Variants in CSMD3 observed in about 807,000 individuals in gnomAD.
The protein encoded by CSMD3 is CUB and sushi domain-containing protein 3.
CSMD3 carries 177 observed loss-of-function variants against 435.2 expected under a neutral mutation model. The ratio of observed to expected loss-of-function variants is 0.41; its 90% CI spans 0.36 to 0.46. The LOEUF (loss-of-function observed/expected upper bound fraction) is 0.46, where lower values mean the gene tolerates loss of function less well. Ranked by LOEUF, CSMD3 falls within the 20% of genes least tolerant of loss-of-function variation. CSMD3 has a pLI of 0.34. For synonymous variants in CSMD3, 1,656 were observed against 1,520.5 expected (o/e 1.09, Z -2.07); for missense variants, 4,265 against 4,504.6 (o/e 0.95, Z 1.52).
At chr8:113,243,818 A>G (rs763824466) in intron 3 of CSMD3, among the ~76,000 whole-genome samples, 7 of 152,116 alleles carry the variant, frequency 4.6e-5, no homozygotes, top group Non-Finnish European at 1.0e-4. Flanking sequence ...GGTGTGAAGT[A>G]GTCTCATTGT....
intron 5 of CSMD3, among the ~76,000 whole-genome samples, chr8:113,074,497 A>G (rs538707809): frequency 6.6e-6 from 1 of 151,884 alleles, no homozygotes; most frequent in Admixed American, 6.6e-5. Context: ...ATTTGCAGAA[A>G]CCTAGATAAC....
intron 67 of CSMD3, among the ~76,000 whole-genome samples, chr8:112,235,383 C>CA (rs557084635): frequency 6.8e-4 from 102 of 149,442 alleles, no homozygotes; most frequent in African/African-American, 1.8e-3. Flanking sequence ...GACTCTGCCT[C>CA]AAAAAAAACA....
chr8:112,279,579 A>T (rs1818431599), intron 59 of CSMD3, among the ~76,000 whole-genome samples: 1 of 152,196 alleles, frequency 6.6e-6, no homozygotes, highest in Admixed American at 6.5e-5. Context: ...GATTAAAACA[A>T]GGTCTACAGT....
chr8:112,872,405 C>G (rs2081161008), intron 10 of CSMD3, among the ~76,000 whole-genome samples: 1 of 151,786 alleles, frequency 6.6e-6, no homozygotes, highest in Non-Finnish European at 1.5e-5. Flanking sequence ...AACTCGAAAA[C>G]AGAAAAAAGA....
intron 6 of CSMD3, among the ~76,000 whole-genome samples, chr8:112,987,782 T>A (rs1204167074): frequency 1.3e-5 from 2 of 152,102 alleles, no homozygotes; most frequent in Non-Finnish European, 2.9e-5. Context: ...AGAGGCCTGA[T>A]TGCCTCCAGG....
At chr8:112,716,458 T>C (rs554265076) in intron 13 of CSMD3, among the ~76,000 whole-genome samples, 10 of 152,270 alleles carry the variant, frequency 6.6e-5, no homozygotes, top group Admixed American at 4.6e-4. Flanking sequence ...TCCATGTTCA[T>C]ATATAGGAAG....
intron 3 of CSMD3, among the ~76,000 whole-genome samples, chr8:113,177,856 C>T (rs975638188): frequency 6.6e-6 from 1 of 151,922 alleles, no homozygotes; most frequent in Non-Finnish European, 1.5e-5. Context: ...ATTTTGACAA[C>T]ATAGACTATT....
At chr8:113,054,773 T>C (rs193284849) in intron 5 of CSMD3, among the ~76,000 whole-genome samples, 1 of 152,322 alleles carries the variant, frequency 6.6e-6, no homozygotes, top group Non-Finnish European at 1.5e-5. Flanking sequence ...TTTCCTTGTC[T>C]AACATTTTTT....
intron 17 of CSMD3, among the ~76,000 whole-genome samples, chr8:112,659,540 T>C (rs192240859): frequency 6.6e-6 from 1 of 152,150 alleles, no homozygotes; most frequent in Non-Finnish European, 1.5e-5. Context: ...TCTGAAAGAC[T>C]GATAGTGATA....
chr8:112,547,996 A>C (rs1264528437), intron 27 of CSMD3, among the ~76,000 whole-genome samples: 1 of 152,176 alleles, frequency 6.6e-6, no homozygotes, highest in African/African-American at 2.4e-5. Flanking sequence ...TAAAGCACTG[A>C]AGTGGCAAAC....
chr8:113,377,264 T>G, intron 1 of CSMD3: 1 of 350,500 alleles, frequency 2.9e-6, no homozygotes, highest in Non-Finnish European at 4.4e-6. Context: ...GAGCCTACCC[T>G]CTTATTAAAA....
At chr8:112,631,150 G>T (rs1447372498) in intron 22 of CSMD3, among the ~76,000 whole-genome samples, 2 of 152,066 alleles carry the variant, frequency 1.3e-5, no homozygotes, top group East Asian at 3.9e-4. Flanking sequence ...AATACAAAAG[G>T]GATATTTAAG....
chr8:112,518,080 TA>T (rs1000400056), intron 27 of CSMD3, among the ~76,000 whole-genome samples: 1 of 152,164 alleles, frequency 6.6e-6, no homozygotes, highest in African/African-American at 2.4e-5. Context: ...TACTCAGTAA[TA>T]AAAAAGAATG....
intron 62 of CSMD3, 37 bp downstream of exon 62, chr8:112,255,217 C>G (rs776391509): frequency 5.2e-6 from 8 of 1,531,290 alleles, no homozygotes; most frequent in Non-Finnish European, 7.2e-6. Flanking sequence ...ATTAATTACA[C>G]AGTTACTGTG....
intron 59 of CSMD3, among the ~76,000 whole-genome samples, chr8:112,268,913 GA>G (rs1236401429): frequency 6.6e-6 from 1 of 152,128 alleles, no homozygotes; most frequent in East Asian, 1.9e-4. Context: ...CCTTAAGCTT[GA>G]CCCTATTGAC....
At chr8:112,645,525 T>G (rs183244171) in intron 19 of CSMD3, among the ~76,000 whole-genome samples, 100 of 151,224 alleles carry the variant, frequency 6.6e-4, no homozygotes, top group African/African-American at 2.4e-3. Flanking sequence ...ACATGAGTAA[T>G]TAATTGTTTA....
intron 32 of CSMD3, among the ~76,000 whole-genome samples, chr8:112,443,188 C>T (rs766033004): frequency 2.0e-5 from 3 of 152,092 alleles, no homozygotes; most frequent in Non-Finnish European, 4.4e-5. Context: ...GCTGTTCTTC[C>T]CTCACTAAAT....
intron 13 of CSMD3, among the ~76,000 whole-genome samples, chr8:112,743,264 G>A (rs1292332254): frequency 1.3e-5 from 2 of 150,916 alleles, no homozygotes; most frequent in Non-Finnish European, 3.0e-5. Flanking sequence ...TATTATAAAT[G>A]ATATGGCAGT....
intron 11 of CSMD3, among the ~76,000 whole-genome samples, chr8:112,849,966 G>A (rs959320727): frequency 6.6e-6 from 1 of 151,954 alleles, no homozygotes; most frequent in Non-Finnish European, 1.5e-5. Context: ...GTAGCCTTTG[G>A]CAAATTACTT....
Sources: allele counts gnomAD v4.1 joint callset (sites outside exome capture counted in the v4.1 genomes callset), GRCh38; gene constraint gnomAD v4.1.1; transcripts MANE v1.5; gene names NCBI Gene and HGNC (gene_info 2026-07-23, HGNC 2026-07-21).